Variants in TMEM178B observed in about 807,000 individuals in gnomAD.
The protein encoded by TMEM178B is transmembrane protein 178B.
In TMEM178B, 5 loss-of-function variants were observed where a neutral mutation model predicts 31.0. The observed-to-expected ratio is 0.16, with a 90% CI of 0.08 to 0.34. The LOEUF is 0.34. Among genes scored for constraint, TMEM178B ranks in the 10% least tolerant of loss-of-function variants. TMEM178B has a pLI of 1.00. For synonymous variants in TMEM178B, 164 were observed against 164.0 expected (o/e 1.00, Z 0.00); for missense variants, 275 against 400.3 (o/e 0.69, Z 2.67).
At chr7:141,271,621 GC>G (rs1431394206) in intron 2 of TMEM178B, among the ~76,000 whole-genome samples, 1 of 152,144 alleles carries the variant, frequency 6.6e-6, no homozygotes, top group Non-Finnish European at 1.5e-5. Context: ...GTCATTAGTT[GC>G]TGTTTCAAAA....
intron 1 of TMEM178B, among the ~76,000 whole-genome samples, chr7:141,198,066 C>G (rs1307092742): frequency 7.0e-6 from 1 of 143,188 alleles, no homozygotes; most frequent in East Asian, 2.0e-4. Flanking sequence ...CTCTCTCTCT[C>G]TGAATTAACT....
At chr7:141,332,229 A>G (rs1799311592) in intron 2 of TMEM178B, among the ~76,000 whole-genome samples, 1 of 152,234 alleles carries the variant, frequency 6.6e-6, no homozygotes, top group Non-Finnish European at 1.5e-5. Flanking sequence ...AGTTATTCAG[A>G]TTCACATTCC....
At chr7:141,457,624 C>T (rs1801989833) in intron 3 of TMEM178B, among the ~76,000 whole-genome samples, 1 of 152,184 alleles carries the variant, frequency 6.6e-6, no homozygotes, top group Non-Finnish European at 1.5e-5. Flanking sequence ...GCCACTCTCA[C>T]AGTCATTTAA....
chr7:141,125,916 T>C (rs1247917308), intron 1 of TMEM178B, among the ~76,000 whole-genome samples: 1 of 152,184 alleles, frequency 6.6e-6, no homozygotes, highest in African/African-American at 2.4e-5. Context: ...AGCTTTGGAA[T>C]TTCTCCTGGA....
intron 1 of TMEM178B, among the ~76,000 whole-genome samples, chr7:141,135,707 C>G (rs544751839): frequency 1.3e-5 from 2 of 152,098 alleles, no homozygotes; most frequent in East Asian, 3.9e-4. Flanking sequence ...CACAGCATAC[C>G]CAAACCTATG....
chr7:141,116,824 T>C (rs867088727), intron 1 of TMEM178B, among the ~76,000 whole-genome samples: 11 of 152,212 alleles, frequency 7.2e-5, no homozygotes, highest in African/African-American at 2.7e-4. Context: ...GCTTCATCCA[T>C]GTCCCTGCAA....
chr7:141,083,943 T>C (rs1201594467), intron 1 of TMEM178B, among the ~76,000 whole-genome samples: 1 of 152,132 alleles, frequency 6.6e-6, no homozygotes, highest in Non-Finnish European at 1.5e-5. Flanking sequence ...TAGCTGGGAT[T>C]ACAGGCACAT....
At chr7:141,398,305 TG>T (rs1465984251) in intron 2 of TMEM178B, among the ~76,000 whole-genome samples, 6 of 152,360 alleles carry the variant, frequency 3.9e-5, no homozygotes, top group Admixed American at 3.9e-4. Flanking sequence ...TCATGCCTTT[TG>T]CTTCTGAAAC....
downstream of TMEM178B, among the ~76,000 whole-genome samples, chr7:141,481,923 C>T (rs1266244617): frequency 1.3e-5 from 2 of 152,170 alleles, no homozygotes; most frequent in Non-Finnish European, 2.9e-5. Flanking sequence ...GACGTTCTCA[C>T]CAGACCCTGG....
the TMEM178B span, among the ~76,000 whole-genome samples, chr7:141,505,965 C>A: frequency 6.6e-6 from 1 of 152,212 alleles, no homozygotes; most frequent in East Asian, 1.9e-4. Context: ...AAGGGTATAC[C>A]CCTCTGCTGG....
intron 2 of TMEM178B, among the ~76,000 whole-genome samples, chr7:141,390,061 G>A (rs1800506560): frequency 6.6e-6 from 1 of 152,046 alleles, no homozygotes; most frequent in Admixed American, 6.5e-5. Flanking sequence ...ATTTCACCTA[G>A]AAATACTTCA....
chr7:141,161,655 AGTGCGGGCCTGGGC>A (rs1796174589), intron 1 of TMEM178B, among the ~76,000 whole-genome samples: 1 of 152,138 alleles, frequency 6.6e-6, no homozygotes, highest in Non-Finnish European at 1.5e-5. Flanking sequence ...GGTGGGAGGC[AGTGCGGGCCTGGGC>A]GTGGGTGCCT....
intron 2 of TMEM178B, among the ~76,000 whole-genome samples, chr7:141,306,083 A>G (rs1798811241): frequency 6.6e-6 from 1 of 152,176 alleles, no homozygotes; most frequent in Non-Finnish European, 1.5e-5. Context: ...GATGCTAGAT[A>G]TATTTGGTCA....
At position 141,452,277 on chromosome 7, in the gene TMEM178B, G is replaced by A. The variant is rs189785657; in HGVS notation, c.634+14532G>A. On this transcript the variant is annotated intron_variant, in intron 3 of 3. Coordinates refer to ENST00000565468, the MANE Select transcript of TMEM178B (RefSeq NM_001195278.2). Reference sequence around the variant, plus strand: ...TGGAACCTCAAACATACTTTGACCCGGATTTGTCCTTTCTCTATATACGTT... The same window carrying A: ...TGGAACCTCAAACATACTTTGACCCAGATTTGTCCTTTCTCTATATACGTT... Among the ~76,000 whole-genome samples, 14 of 152,198 alleles carry A rather than the reference G, an allele frequency of 9.2e-5. No homozygotes were observed. The East Asian group carries it at 1.9e-3, about 21-fold the overall frequency.
chr7:141,418,560 T>C (rs1801141758), intron 2 of TMEM178B, among the ~76,000 whole-genome samples: 1 of 152,152 alleles, frequency 6.6e-6, no homozygotes, highest in Admixed American at 6.5e-5. Flanking sequence ...TTCCTTCACT[T>C]CCATGGTGAC....
At chr7:141,143,933 T>C (rs556562465) in intron 1 of TMEM178B, among the ~76,000 whole-genome samples, 1 of 152,324 alleles carries the variant, frequency 6.6e-6, no homozygotes, top group South Asian at 2.1e-4. Flanking sequence ...ATCTTTCATC[T>C]CTTTGGTTAG....
intron 2 of TMEM178B, among the ~76,000 whole-genome samples, chr7:141,279,256 G>A (rs1798315140): frequency 1.3e-5 from 2 of 152,162 alleles, no homozygotes; most frequent in South Asian, 2.1e-4. Flanking sequence ...ACAGGAGACG[G>A]CAACATAGTA....
intron 1 of TMEM178B, among the ~76,000 whole-genome samples, chr7:141,189,120 G>A (rs1255950678): frequency 2.6e-5 from 4 of 152,208 alleles, no homozygotes; most frequent in African/African-American, 4.8e-5. Flanking sequence ...CATCATAAGA[G>A]GCTTTCTGAG....
intron 2 of TMEM178B, among the ~76,000 whole-genome samples, chr7:141,408,245 G>A (rs1800920323): frequency 6.6e-6 from 1 of 152,134 alleles, no homozygotes; most frequent in African/African-American, 2.4e-5. Flanking sequence ...AGGAATGTCT[G>A]TTCATCTCCC....
Sources: allele counts gnomAD v4.1 joint callset (sites outside exome capture counted in the v4.1 genomes callset), GRCh38; gene constraint gnomAD v4.1.1; transcripts MANE v1.5; gene names NCBI Gene and HGNC (gene_info 2026-07-23, HGNC 2026-07-21).